Variants in RBMS1 observed in about 807,000 individuals in gnomAD.
RBMS1 encodes the protein RNA-binding motif, single-stranded-interacting protein 1.
A neutral mutation model predicts 62.3 loss-of-function variants in RBMS1; 17 were observed. The observed-to-expected ratio is 0.27, with a 90% CI of 0.19 to 0.41. The LOEUF is 0.41. Ranked by LOEUF, RBMS1 falls within the 10% of genes least tolerant of loss-of-function variation. The pLI, the probability that RBMS1 is intolerant of heterozygous loss-of-function variation, is 1.00. For missense variants in RBMS1, 334 were observed against 504.5 expected (o/e 0.66, Z 3.24); for synonymous variants, 172 against 170.0 (o/e 1.01, Z -0.09).
At chr2:160,380,158 C>CTT (rs1694205842) in intron 1 of RBMS1, among the ~76,000 whole-genome samples, 1 of 151,954 alleles carries the variant, frequency 6.6e-6, no homozygotes, top group African/African-American at 2.4e-5. Flanking sequence ...AAAATGACAC[C>CTT]ATCTCTCCTC....
chr2:160,376,961 C>T (rs1694033181), intron 1 of RBMS1, among the ~76,000 whole-genome samples: 1 of 152,086 alleles, frequency 6.6e-6, no homozygotes, highest in Admixed American at 6.6e-5. Flanking sequence ...AGCCACTGGG[C>T]CTGGTCAATC....
chr2:160,403,241 A>T (rs919427951), intron 1 of RBMS1, among the ~76,000 whole-genome samples: 3 of 152,226 alleles, frequency 2.0e-5, no homozygotes, highest in Admixed American at 2.0e-4. Context: ...TACCTTACTT[A>T]TACATACCAA....
At chr2:160,313,337 G>A in intron 3 of RBMS1, 90 bp from the exon 4 acceptor site, 3 of 1,250,872 alleles carry the variant, frequency 2.4e-6, no homozygotes, top group Non-Finnish European at 3.3e-6. Flanking sequence ...TTTCTGGTGT[G>A]GGCAAGAGAC....
chr2:160,426,311 AAGG>A (rs1682611900), intron 1 of RBMS1, among the ~76,000 whole-genome samples: 1 of 82,534 alleles, frequency 1.2e-5, no homozygotes, highest in African/African-American at 3.9e-5. Flanking sequence ...GGAAGGAAGG[AAGG>A]AAGGAAGGAA....
intron 2 of RBMS1, among the ~76,000 whole-genome samples, chr2:160,345,786 GT>G (rs1382979464): frequency 6.6e-6 from 1 of 152,138 alleles, no homozygotes; most frequent in African/African-American, 2.4e-5. Flanking sequence ...TTTTCTAACT[GT>G]TAAATATTTT....
intron 1 of RBMS1, among the ~76,000 whole-genome samples, chr2:160,391,804 C>T (rs919691349): frequency 3.9e-5 from 6 of 152,040 alleles, no homozygotes; most frequent in African/African-American, 1.4e-4. Flanking sequence ...ATGGCGAAAC[C>T]CTGTCTCCAC....
intron 2 of RBMS1, among the ~76,000 whole-genome samples, chr2:160,352,190 T>C (rs191358768): frequency 4.3e-4 from 65 of 152,234 alleles, no homozygotes; most frequent in Non-Finnish European, 5.0e-4. Flanking sequence ...TTTTCCCAGC[T>C]CTAATGCCGG....
intron 1 of RBMS1, among the ~76,000 whole-genome samples, chr2:160,379,646 T>C (rs1237558171): frequency 6.6e-6 from 1 of 152,226 alleles, no homozygotes; most frequent in African/African-American, 2.4e-5. Flanking sequence ...CAACATTTTT[T>C]CTTTTCGTTT....
At chr2:160,352,504 A>G (rs947616286) in intron 2 of RBMS1, among the ~76,000 whole-genome samples, 1 of 152,114 alleles carries the variant, frequency 6.6e-6, no homozygotes, top group African/African-American at 2.4e-5. Flanking sequence ...AATGCAGGCA[A>G]ATATATAGCA....
chr2:160,472,832 T>A (rs1394448857), intron 1 of RBMS1, among the ~76,000 whole-genome samples: 1 of 152,132 alleles, frequency 6.6e-6, no homozygotes, highest in Non-Finnish European at 1.5e-5. Flanking sequence ...TTTATGTGAA[T>A]AAAATAAAAT....
At chr2:160,465,447 A>G (rs1459314065) in intron 1 of RBMS1, among the ~76,000 whole-genome samples, 2 of 152,214 alleles carry the variant, frequency 1.3e-5, no homozygotes, top group African/African-American at 4.8e-5. Context: ...GTTTGATAAA[A>G]GAAGCACCGC....
intron 6 of RBMS1, among the ~76,000 whole-genome samples, chr2:160,287,328 G>A (rs751964942): frequency 5.3e-5 from 8 of 152,236 alleles, no homozygotes; most frequent in Non-Finnish European, 7.4e-5. Context: ...GGAATCTTTC[G>A]ATTCACTTTC....
chr2:160,391,914 C>T (rs760067923), intron 1 of RBMS1, among the ~76,000 whole-genome samples: 3 of 151,776 alleles, frequency 2.0e-5, no homozygotes, highest in Admixed American at 6.6e-5. Context: ...GAGCTGAGAT[C>T]GCACCACTGC....
At chr2:160,397,669 C>T (rs1423616972) in intron 1 of RBMS1, among the ~76,000 whole-genome samples, 1 of 152,136 alleles carries the variant, frequency 6.6e-6, no homozygotes, top group Non-Finnish European at 1.5e-5. Flanking sequence ...TCACCCCTGC[C>T]TCCACCCTCC....
At chr2:160,344,531 C>T (rs994910031) in intron 2 of RBMS1, among the ~76,000 whole-genome samples, 2 of 152,064 alleles carry the variant, frequency 1.3e-5, no homozygotes, top group Non-Finnish European at 2.9e-5. Flanking sequence ...TAGTCTACGA[C>T]TCCAACAGTA....
chr2:160,457,831 G>A (rs1359568625), intron 1 of RBMS1, among the ~76,000 whole-genome samples: 1 of 152,062 alleles, frequency 6.6e-6, no homozygotes, highest in Admixed American at 6.5e-5. Context: ...TGATTTCCTG[G>A]CATTCTCGGG....
intron 1 of RBMS1, among the ~76,000 whole-genome samples, chr2:160,465,598 C>A (rs1212627262): frequency 6.6e-6 from 1 of 152,056 alleles, no homozygotes; most frequent in Non-Finnish European, 1.5e-5. Context: ...GAGTAAGGAA[C>A]CCCAGCATTG....
At chr2:160,324,882 G>GTATATATATATATATATA (rs201492090) in intron 2 of RBMS1, among the ~76,000 whole-genome samples, 205 of 99,978 alleles carry the variant, frequency 2.1e-3, no homozygotes, top group African/African-American at 3.0e-3. Context: ...GTGTGTGTGT[G>GTATATATATATATATATA]TATATATATA....
At chr2:160,321,959 T>A (rs1690586664) in intron 2 of RBMS1, among the ~76,000 whole-genome samples, 1 of 152,222 alleles carries the variant, frequency 6.6e-6, no homozygotes, top group Non-Finnish European at 1.5e-5. Flanking sequence ...CTACCCATGC[T>A]TGAACTTGAA....
Sources: allele counts gnomAD v4.1 joint callset (sites outside exome capture counted in the v4.1 genomes callset), GRCh38; gene constraint gnomAD v4.1.1; transcripts MANE v1.5; gene names NCBI Gene and HGNC (gene_info 2026-07-23, HGNC 2026-07-21).